Variants in CTNNA3 observed in about 807,000 individuals in gnomAD.
CTNNA3 encodes catenin alpha-3.
CTNNA3 carries 76 observed loss-of-function variants against 95.7 expected under a neutral mutation model. The ratio of observed to expected loss-of-function variants is 0.79; its 90% CI spans 0.66 to 0.96. The LOEUF (loss-of-function observed/expected upper bound fraction) is 0.96. CTNNA3 is among the 40% of genes least tolerant of loss of function. CTNNA3 has a pLI of 0.00. For synonymous variants in CTNNA3, 431 were observed against 374.4 expected, an observed-to-expected ratio of 1.15 and a Z score of -1.74; for missense variants, 1,191 against 1,089.8, an observed-to-expected ratio of 1.09 and a Z score of -1.31.
At chr10:67,576,538 GTTTC>G (rs200297131) in intron 3 of CTNNA3, among the ~76,000 whole-genome samples, 2,583 of 151,434 alleles carry the variant, frequency 0.017, 79 homozygotes, top group African/African-American at 0.059. Flanking sequence ...CATTCAGATA[GTTTC>G]TTTATTTTAT....
rs566160094 is a variant in CTNNA3, at chr10:66,634,928, A to T, written c.1282-13144T>A. ...ACAGTATTATTGCTTCCAATAAATT[A>T]TGAGAAATATATGTTACATAGCTCA... On this transcript the variant is annotated intron_variant, in intron 9 of 17. Coordinates refer to ENST00000433211, the MANE Select transcript of CTNNA3 (RefSeq NM_013266.4). Among the ~76,000 whole-genome samples the T allele has an allele frequency of 2.6e-5, 4 of 152,258 alleles. No individual in the cohort carries two copies. In the South Asian group the frequency reaches 8.3e-4, roughly 32 times the overall value.
At chr10:66,416,504 T>C (rs990248070) in intron 11 of CTNNA3, among the ~76,000 whole-genome samples, 22 of 151,490 alleles carry the variant, frequency 1.5e-4, no homozygotes, top group African/African-American at 4.8e-4. Context: ...TGGTATACTA[T>C]AGTTAAAATT....
intron 9 of CTNNA3, among the ~76,000 whole-genome samples, chr10:66,748,125 C>G (rs141982242): frequency 3.9e-5 from 6 of 152,006 alleles, no homozygotes; most frequent in African/African-American, 1.5e-4. Context: ...CAAACCTATA[C>G]GAGGGAATCT....
intron 7 of CTNNA3, among the ~76,000 whole-genome samples, chr10:66,816,559 A>G (rs1200292100): frequency 6.6e-6 from 1 of 152,110 alleles, no homozygotes; most frequent in Non-Finnish European, 1.5e-5. Flanking sequence ...GAACAAATAG[A>G]AATTTCAACA....
intron 10 of CTNNA3, among the ~76,000 whole-genome samples, chr10:66,603,849 A>G (rs1259995269): frequency 1.3e-5 from 2 of 152,202 alleles, no homozygotes; most frequent in Non-Finnish European, 2.9e-5. Context: ...TCTTTAATAA[A>G]TGGTGCTGAG....
chr10:67,583,074 T>G (rs1842469330), intron 3 of CTNNA3, among the ~76,000 whole-genome samples: 1 of 152,096 alleles, frequency 6.6e-6, no homozygotes. Flanking sequence ...AGGTTAATAT[T>G]GTTATGTGTG....
chr10:66,033,683 T>C (rs889954350), intron 15 of CTNNA3, among the ~76,000 whole-genome samples: 1 of 152,014 alleles, frequency 6.6e-6, no homozygotes, highest in African/African-American at 2.4e-5. Context: ...TATGAAGCTA[T>C]GTTTATTATA....
At chr10:66,705,039 C>G (rs1848072238) in intron 9 of CTNNA3, among the ~76,000 whole-genome samples, 1 of 151,970 alleles carries the variant, frequency 6.6e-6, no homozygotes, top group Non-Finnish European at 1.5e-5. Flanking sequence ...TTTATAGACC[C>G]CTCTTATCAA....
intron 13 of CTNNA3, among the ~76,000 whole-genome samples, chr10:66,240,738 AAAG>A (rs1290771403): frequency 6.6e-6 from 1 of 152,100 alleles, no homozygotes; most frequent in Non-Finnish European, 1.5e-5. Flanking sequence ...CTTTGATAAC[AAAG>A]AAGAGAGACA....
intron 12 of CTNNA3, among the ~76,000 whole-genome samples, chr10:66,321,040 T>C (rs1430999301): frequency 1.3e-5 from 2 of 152,086 alleles, no homozygotes; most frequent in Admixed American, 1.3e-4. Context: ...CCATCACAAA[T>C]AGCCAGCCAG....
chr10:67,388,944 C>G (rs753996969), intron 5 of CTNNA3, among the ~76,000 whole-genome samples: 13 of 152,178 alleles, frequency 8.5e-5, no homozygotes, highest in Middle Eastern at 6.8e-3. Flanking sequence ...CAGTACCAGC[C>G]GCTGCAAAAT....
intron 7 of CTNNA3, among the ~76,000 whole-genome samples, chr10:67,108,532 G>C (rs1379382057): frequency 6.6e-6 from 1 of 152,148 alleles, no homozygotes; most frequent in Non-Finnish European, 1.5e-5. Flanking sequence ...GAGACACAGT[G>C]ATCAAATGCT....
chr10:66,084,490 T>G (rs2080903163), intron 14 of CTNNA3, among the ~76,000 whole-genome samples: 1 of 152,168 alleles, frequency 6.6e-6, no homozygotes, highest in African/African-American at 2.4e-5. Flanking sequence ...TGAAGATGAT[T>G]TCTAAAATTC....
intron 5 of CTNNA3, among the ~76,000 whole-genome samples, chr10:67,305,149 G>A (rs959627709): frequency 3.3e-5 from 5 of 151,896 alleles, no homozygotes; most frequent in African/African-American, 4.8e-5. Context: ...GGTGGGGGGC[G>A]CCCGTAGTCC....
chr10:66,148,226 TG>T (rs1190425555), intron 13 of CTNNA3, among the ~76,000 whole-genome samples: 3 of 152,112 alleles, frequency 2.0e-5, no homozygotes, highest in Non-Finnish European at 4.4e-5. Context: ...GTCAATTTTT[TG>T]TTCTTTTACT....
intron 12 of CTNNA3, among the ~76,000 whole-genome samples, chr10:66,309,938 T>C (rs200365859): frequency 8.6e-6 from 1 of 116,374 alleles, no homozygotes; most frequent in African/African-American, 3.2e-5. Flanking sequence ...AATAAATAAA[T>C]AAATAAATAA....
intron 7 of CTNNA3, among the ~76,000 whole-genome samples, chr10:66,888,261 C>T (rs2132485283): frequency 6.6e-6 from 1 of 152,270 alleles, no homozygotes; most frequent in Non-Finnish European, 1.5e-5. Flanking sequence ...GAAATAAAGA[C>T]ATCAGTCCCA....
At chr10:67,738,131 C>A (rs1365691077) in intron 1 of CTNNA3, among the ~76,000 whole-genome samples, 1 of 152,198 alleles carries the variant, frequency 6.6e-6, no homozygotes, top group East Asian at 1.9e-4. Flanking sequence ...AGTGACCTGA[C>A]TGTTAAAACA....
intron 7 of CTNNA3, among the ~76,000 whole-genome samples, chr10:66,989,633 T>C (rs894534566): frequency 1.3e-5 from 2 of 152,150 alleles, no homozygotes; most frequent in African/African-American, 4.8e-5. Flanking sequence ...AAGAACTTTT[T>C]CTATATATGA....
Sources: allele counts gnomAD v4.1 joint callset (sites outside exome capture counted in the v4.1 genomes callset), GRCh38; gene constraint gnomAD v4.1.1; transcripts MANE v1.5; gene names NCBI Gene and HGNC (gene_info 2026-07-23, HGNC 2026-07-21).